NR5A2: variants seen among roughly 807,000 people sequenced by gnomAD.
NR5A2 encodes the protein nuclear receptor subfamily 5 group A member 2.
In NR5A2, 26 loss-of-function variants were observed where a neutral mutation model predicts 62.7. The ratio of observed to expected loss-of-function variants is 0.41; its 90% CI spans 0.30 to 0.58. The LOEUF is 0.58. NR5A2 is among the 20% of genes least tolerant of loss of function. NR5A2 has a pLI of 0.22. For synonymous variants in NR5A2, 246 were observed against 241.7 expected, an observed-to-expected ratio of 1.02 and a Z score of -0.16; for missense variants, 541 against 669.1, an observed-to-expected ratio of 0.81 and a Z score of 2.11.
rs964721683 is a variant in NR5A2, at chr1:200,147,367, C to T, written c.1378+26412C>T. On this transcript the variant is annotated intron_variant, in intron 7 of 7. Coordinates refer to ENST00000367362, the MANE Select transcript of NR5A2 (RefSeq NM_205860.3). This position sits in a 1 kb window ranked among gnomAD's most constrained non-coding sequence, Gnocchi z 4.9. ...CCTACATGGAGGTTTGCTGACTCCC[C>T]CAGGCCACCTTAGTTCCTCTCGGAG... 3.3e-5 allele frequency among the ~76,000 whole-genome samples: 5 copies of T among 152,198 alleles called. No individual in the cohort carries two copies. The highest frequency in any genetic ancestry group is 1.2e-4 in the African/African-American group (5 of 41,446).
At chr1:200,145,272 T>C (rs1198065619) in intron 7 of NR5A2, among the ~76,000 whole-genome samples, 1 of 152,122 alleles carries the variant, frequency 6.6e-6, no homozygotes, top group African/African-American at 2.4e-5. Flanking sequence ...ACTGAGACAC[T>C]GCACTCCAGC....
chr1:200,087,246 ACAC>A (rs1398113604), intron 5 of NR5A2, among the ~76,000 whole-genome samples: 2 of 43,260 alleles, frequency 4.6e-5, no homozygotes, highest in Non-Finnish European at 1.1e-4. Flanking sequence ...TCACCAACAC[ACAC>A]ACACACACAC....
At chr1:200,047,375 A>G (rs1571710750) in intron 4 of NR5A2, among the ~76,000 whole-genome samples, 1 of 152,210 alleles carries the variant, frequency 6.6e-6, no homozygotes, top group African/African-American at 2.4e-5. Context: ...TGTTATTGCA[A>G]CAAGGTGGCC....
chr1:200,120,751 G>A (rs1666443009), intron 6 of NR5A2, 57 bp from the exon 7 acceptor site: 1 of 1,480,392 alleles, frequency 6.8e-7, no homozygotes, highest in African/African-American at 1.4e-5. Flanking sequence ...TTACGACTCA[G>A]GTGAAATACA....
intron 5 of NR5A2, among the ~76,000 whole-genome samples, chr1:200,055,288 C>T (rs1662864344): frequency 6.6e-6 from 1 of 151,988 alleles, no homozygotes; most frequent in Non-Finnish European, 1.5e-5. Flanking sequence ...CTCCACCTCC[C>T]AGGTTCAAGT....
chr1:200,157,149 G>A (rs1477016123), intron 7 of NR5A2, among the ~76,000 whole-genome samples: 1 of 152,184 alleles, frequency 6.6e-6, no homozygotes, highest in African/African-American at 2.4e-5. Flanking sequence ...GTCCTACCTT[G>A]TGGTAATTCC....
At chr1:200,047,289 T>C (rs1662411987) in intron 4 of NR5A2, among the ~76,000 whole-genome samples, 1 of 152,224 alleles carries the variant, frequency 6.6e-6, no homozygotes, top group African/African-American at 2.4e-5. Flanking sequence ...TTAAAAGCAG[T>C]AACTGGTGGT....
At chr1:200,151,876 G>A (rs1176087948) in intron 7 of NR5A2, among the ~76,000 whole-genome samples, 1 of 152,200 alleles carries the variant, frequency 6.6e-6, no homozygotes, top group East Asian at 1.9e-4. Context: ...ATAGTCATGC[G>A]CTCAACACCC....
rs3034024 is a variant in NR5A2 at position 200,173,936 on chromosome 1, CTTTTTTT to C, written c.1379-14_1379-8del. On this transcript the variant is annotated intron_variant, in intron 7 of 7. Coordinates refer to ENST00000367362, the MANE Select transcript of NR5A2 (RefSeq NM_205860.3). ...GAATTGAAATGCTATTGAAATGTTG[CTTTTTTT>C]TTTTTTTTTTTTAATGCAGATGTCA... The C allele has an allele frequency of 5.0e-4, 616 of 1,235,654 alleles. No homozygotes were observed. Among genetic ancestry groups the C allele is most frequent in the South Asian group, 3.2e-3 (127 of 40,014 alleles). 76.5% of individuals were successfully genotyped at this position (1,235,654 alleles called of 1,614,324 possible). A position where few individuals can be genotyped will look rare whatever the true frequency, so the allele number is the denominator to read the frequency against.
intron 7 of NR5A2, among the ~76,000 whole-genome samples, chr1:200,140,318 C>T: frequency 6.6e-6 from 1 of 152,162 alleles, no homozygotes; most frequent in East Asian, 1.9e-4. Flanking sequence ...CTCAAGTGAT[C>T]CTCTCGCCTC....
chr1:200,161,063 G>A (rs576662374), intron 7 of NR5A2, among the ~76,000 whole-genome samples: 1 of 152,168 alleles, frequency 6.6e-6, no homozygotes, highest in Admixed American at 6.5e-5. Context: ...TGCTTTGGGA[G>A]CAGATGGTCT....
At chr1:200,052,688 T>C (rs2821374) in intron 5 of NR5A2, among the ~76,000 whole-genome samples, 2,646 of 151,976 alleles carry the variant, frequency 0.017, 27 homozygotes, top group Middle Eastern at 0.037. Context: ...GTCGCCCAGG[T>C]TGGAGTGCAG....
intron 7 of NR5A2, among the ~76,000 whole-genome samples, chr1:200,134,938 T>A (rs1266215093): frequency 6.6e-6 from 1 of 152,202 alleles, no homozygotes; most frequent in South Asian, 2.1e-4. Flanking sequence ...AACAGTAAAT[T>A]CCCAATTCAC....
At chr1:200,035,341 C>T (rs1661728899) in intron 1 of NR5A2, among the ~76,000 whole-genome samples, 1 of 152,136 alleles carries the variant, frequency 6.6e-6, no homozygotes, top group South Asian at 2.1e-4. Context: ...GGGTCATCTA[C>T]CCAGGCGCGC....
intron 5 of NR5A2, among the ~76,000 whole-genome samples, chr1:200,103,122 C>CTT (rs10655211): frequency 0.029 from 3,124 of 106,594 alleles, 314 homozygotes; most frequent in African/African-American, 0.11. Context: ...ATGTAAAACT[C>CTT]TTTTTTTTTT....
At chr1:200,054,883 G>GT (rs1239217498) in intron 5 of NR5A2, among the ~76,000 whole-genome samples, 11 of 151,440 alleles carry the variant, frequency 7.3e-5, no homozygotes, top group African/African-American at 2.7e-4. Flanking sequence ...ATATTCTTTA[G>GT]TAAATTTACT....
intron 2 of NR5A2, chr1:200,042,849 G>T: frequency 1.0e-6 from 1 of 985,518 alleles, no homozygotes; most frequent in Non-Finnish European, 1.2e-6. Flanking sequence ...TTTTAGCTGC[G>T]AAGACGCCTT....
chr1:200,042,269 G>A (rs1662127087), intron 2 of NR5A2, among the ~76,000 whole-genome samples: 1 of 152,138 alleles, frequency 6.6e-6, no homozygotes, highest in Non-Finnish European at 1.5e-5. Context: ...AGGGCTCTGT[G>A]GCCCGGGAAG....
chr1:200,159,520 A>G (rs1005545004), intron 7 of NR5A2, among the ~76,000 whole-genome samples: 24 of 152,156 alleles, frequency 1.6e-4, no homozygotes, highest in Non-Finnish European at 3.4e-4. Context: ...ACGTTTTATG[A>G]AGTTTCCTGC....
Sources: allele counts gnomAD v4.1 joint callset (sites outside exome capture counted in the v4.1 genomes callset), GRCh38; gene constraint gnomAD v4.1.1; non-coding constraint Gnocchi (gnomAD v3.1); transcripts MANE v1.5; gene names NCBI Gene and HGNC (gene_info 2026-07-23, HGNC 2026-07-21).